PPP6R2: variants seen among roughly 807,000 people sequenced by gnomAD.
PPP6R2 encodes the protein serine/threonine-protein phosphatase 6 regulatory subunit 2.
A neutral mutation model predicts 100.2 loss-of-function variants in PPP6R2; 62 were observed. That is an observed-to-expected ratio of 0.62 (90% CI 0.50 to 0.76). The LOEUF (loss-of-function observed/expected upper bound fraction) is 0.76. PPP6R2 is among the 30% of genes least tolerant of loss of function. The pLI is 0.00. For synonymous variants in PPP6R2, 525 were observed against 514.7 expected (o/e 1.02, Z -0.27); for missense variants, 1,142 against 1,276.3 (o/e 0.89, Z 1.60).
rs1432811708 is a variant in PPP6R2, at chr22:50,413,023, C to T, written c.415-1529C>T. Among the ~76,000 whole-genome samples the T allele has an allele frequency of 2.8e-5, 4 of 144,794 alleles. No individual in the cohort carries two copies. In the South Asian group the frequency reaches 8.7e-4, roughly 32 times the overall value. 95.0% of individuals were successfully genotyped at this position (144,794 alleles called of 152,430 possible). A position where few individuals can be genotyped will look rare whatever the true frequency, so the allele number is the denominator to read the frequency against. ...TTGCCCAGGCTGGAGTGCAATGGTGCGATCTTGGCTTACCGCAATCTCCGC... is the reference window on the plus strand; with the variant it reads ...TTGCCCAGGCTGGAGTGCAATGGTGTGATCTTGGCTTACCGCAATCTCCGC... On this transcript the variant is annotated intron_variant, in intron 4 of 23. Transcript: ENST00000612753.
intron 13 of PPP6R2, among the ~76,000 whole-genome samples, 172 bp downstream of exon 13, chr22:50,435,253 G>T (rs1179770015): frequency 1.3e-5 from 2 of 152,226 alleles, no homozygotes; most frequent in Non-Finnish European, 2.9e-5. Context: ...CCTCGTGGGG[G>T]CCTGGGTCTC....
At chr22:50,381,626 A>G (rs896362343) in intron 2 of PPP6R2, among the ~76,000 whole-genome samples, 1 of 152,230 alleles carries the variant, frequency 6.6e-6, no homozygotes, top group African/African-American at 2.4e-5. Context: ...GAATTATTGT[A>G]GGAATAGAAA....
At chr22:50,354,264 C>T (rs2045964263) in intron 1 of PPP6R2, among the ~76,000 whole-genome samples, 1 of 152,036 alleles carries the variant, frequency 6.6e-6, no homozygotes, top group African/African-American at 2.4e-5. Flanking sequence ...AAGATCATGC[C>T]ACTGCACTCC....
chr22:50,436,775 C>A (rs1412649481), intron 14 of PPP6R2, among the ~76,000 whole-genome samples: 1 of 152,196 alleles, frequency 6.6e-6, no homozygotes, highest in African/African-American at 2.4e-5. Flanking sequence ...CACAACCTGC[C>A]CCCTGCACAT....
intron 4 of PPP6R2, 66 bp downstream of exon 4, chr22:50,406,941 G>A (rs2059035793): frequency 6.7e-7 from 1 of 1,502,150 alleles, no homozygotes; most frequent in Middle Eastern, 1.9e-4. Context: ...GTGTCCTGCT[G>A]TGAGCCTGGC....
chr22:50,337,246 TGTGTG>T, the PPP6R2 span, among the ~76,000 whole-genome samples: 1 of 142,106 alleles, frequency 7.0e-6, no homozygotes, highest in Admixed American at 7.1e-5. Flanking sequence ...TTGGTGTGTG[TGTGTG>T]GTGTGTGTGC....
At chr22:50,331,916 G>A in the PPP6R2 span, among the ~76,000 whole-genome samples, 8 of 151,630 alleles carry the variant, frequency 5.3e-5, no homozygotes, top group South Asian at 4.2e-4. Context: ...CATTGCATCC[G>A]GCCCTATTTT....
At chr22:50,384,452 G>T (rs2053782497) in intron 2 of PPP6R2, among the ~76,000 whole-genome samples, 1 of 152,144 alleles carries the variant, frequency 6.6e-6, no homozygotes, top group South Asian at 2.1e-4. Context: ...CTACTCAGGA[G>T]GCTGAGGCAG....
chr22:50,412,320 T>C (rs111793100), intron 4 of PPP6R2, among the ~76,000 whole-genome samples: 5,913 of 150,970 alleles, frequency 0.039, 228 homozygotes, highest in African/African-American at 0.098. Context: ...ACATTCCGAG[T>C]AGCTGGGATT....
Position 50,419,379 on chromosome 22 carries a change from C to G in PPP6R2, c.762C>G (p.Asn254Lys). ...SQDCVEQLLK[N>K]MFDGDRTESC... ...ACTGTGTGGAGCAGCTTCTGAAGAA[C>G]ATGTTTGATGGAGACCGGACGGAGA... The change falls in exon 8 of 24, where the codon AAC becomes AAG. Residue 254 changes from asparagine to lysine, a missense_variant. Transcript: ENST00000612753. 1 of 1,614,146 alleles carries G rather than the reference C, an allele frequency of 6.2e-7. No homozygotes were observed.
chr22:50,338,544 G>GGT (rs1260409484), upstream of PPP6R2, among the ~76,000 whole-genome samples: 15 of 132,024 alleles, frequency 1.1e-4, no homozygotes, highest in African/African-American at 2.2e-4. Context: ...TAGGGTGTGT[G>GGT]GTGTGTGTGG....
At chr22:50,347,083 C>T (rs940035275) in intron 1 of PPP6R2, among the ~76,000 whole-genome samples, 9 of 152,028 alleles carry the variant, frequency 5.9e-5, no homozygotes, top group African/African-American at 2.2e-4. Context: ...TAAGTGTCTC[C>T]CTCATCCTGC....
intron 1 of PPP6R2, among the ~76,000 whole-genome samples, chr22:50,357,741 G>A (rs1189327541): frequency 2.6e-5 from 4 of 151,546 alleles, no homozygotes; most frequent in Non-Finnish European, 5.9e-5. Flanking sequence ...CTCCTGCCTC[G>A]GCCTCCCGAG....
chr22:50,331,906 C>T, the PPP6R2 span, among the ~76,000 whole-genome samples: 2 of 152,140 alleles, frequency 1.3e-5, no homozygotes, highest in African/African-American at 4.8e-5. Flanking sequence ...AGGCGTGAGC[C>T]ATTGCATCCG....
At chr22:50,350,671 C>T (rs559385220) in intron 1 of PPP6R2, among the ~76,000 whole-genome samples, 1 of 151,848 alleles carries the variant, frequency 6.6e-6, no homozygotes, top group Admixed American at 6.6e-5. Context: ...CGGTGAAACC[C>T]CGTCTCTACT....
In PPP6R2 at chr22:50,416,084, T is replaced by G. The variant is rs778517490; in HGVS notation, c.553-8T>G. On this transcript the variant is annotated splice_polypyrimidine_tract_variant and splice_region_variant and intron_variant, in intron 5 of 23. Transcript: ENST00000612753. ...AGCGACACTGAAAGGCCTCTTTTTC[T>G]CTTTCAGTGGCTGAATGAAGAGAAG... 6.2e-7 allele frequency: 1 copy of G among 1,611,792 alleles called. No individual in the cohort carries two copies. Among genetic ancestry groups the G allele is most frequent in the South Asian group, 1.1e-5 (1 of 91,050 alleles).
chr22:50,337,563 T>C, the PPP6R2 span, among the ~76,000 whole-genome samples: 14 of 140,488 alleles, frequency 1.0e-4, no homozygotes, highest in East Asian at 2.9e-3. Context: ...GTGTGGGGTC[T>C]GTGTGTCTGT....
intron 3 of PPP6R2, among the ~76,000 whole-genome samples, chr22:50,399,537 A>G (rs1435632962): frequency 6.6e-6 from 1 of 152,218 alleles, no homozygotes; most frequent in Admixed American, 6.5e-5. Context: ...CTGGCAGAAC[A>G]CCTCCATGAC....
intron 4 of PPP6R2, among the ~76,000 whole-genome samples, chr22:50,409,545 A>G (rs1184513253): frequency 6.6e-6 from 1 of 152,004 alleles, no homozygotes; most frequent in Non-Finnish European, 1.5e-5. Context: ...CTTCTGCTTC[A>G]GCCTCCCCAG....
Sources: gnomAD v4.1 joint callset for allele counts (sites outside exome capture counted in the v4.1 genomes callset) on GRCh38, gnomAD v4.1.1 for gene constraint, MANE v1.5 for transcripts, NCBI Gene and HGNC (gene_info 2026-07-23, HGNC 2026-07-21) for gene names.